Variants in USP8 observed in about 807,000 individuals in gnomAD.
USP8 encodes ubiquitin carboxyl-terminal hydrolase 8.
In USP8, 27 loss-of-function variants were observed where a neutral mutation model predicts 130.0. The observed-to-expected ratio is 0.21, with a 90% CI of 0.15 to 0.29. The LOEUF is 0.29. USP8 is among the 10% of genes least tolerant of loss of function. The probability of loss-of-function intolerance (pLI) is 1.00; values close to 1 mark genes in which losing one functional copy is unlikely to be tolerated. For missense variants in USP8, 1,029 were observed against 1,312.2 expected (o/e 0.78, Z 3.33); for synonymous variants, 392 against 444.1 (o/e 0.88, Z 1.48).
At chr15:50,498,867 CT>C in intron 19 of USP8, 35 bp from the exon 20 acceptor site, 1 of 1,564,162 alleles carries the variant, frequency 6.4e-7, no homozygotes, top group Admixed American at 2.0e-5. Context: ...ACAATTTTAA[CT>C]GAATTGATTT....
rs1165241342 is a variant in USP8 at position 50,502,790 on chromosome 15, G to A, written c.*3702G>A. 1 of 152,312 alleles carries A rather than the reference G, an allele frequency of 6.6e-6. No individual in the cohort carries two copies. Among genetic ancestry groups the A allele is most frequent in the African/African-American group, 2.4e-5 (1 of 41,452 alleles). The allele number at this position is 152,312 out of a possible 1,614,324, so 9.4% of individuals were successfully genotyped here. ...TGGGACTACAGGCATACACCACCATGTCCAGAATGAAAATGGATCTGACTA... is the reference window on the plus strand; with the variant it reads ...TGGGACTACAGGCATACACCACCATATCCAGAATGAAAATGGATCTGACTA... On this transcript the variant is annotated 3_prime_UTR_variant, in exon 20 of 20. Coordinates refer to ENST00000307179, the MANE Select transcript of USP8 (RefSeq NM_005154.5).
At chr15:50,482,167 G>C in intron 11 of USP8, 102 bp downstream of exon 11, 1 of 1,105,406 alleles carries the variant, frequency 9.0e-7, no homozygotes, top group Non-Finnish European at 1.2e-6. Flanking sequence ...ATTTCAAATA[G>C]TCTTTTCAGG....
chr15:50,485,120 TTTATG>T (rs1439555202), intron 12 of USP8, among the ~76,000 whole-genome samples: 3 of 152,208 alleles, frequency 2.0e-5, no homozygotes, highest in Admixed American at 1.3e-4. Context: ...GATGGTAAAT[TTTATG>T]TTATGTGTAT....
rs1042653374 is a variant in USP8, at chr15:50,504,530, A to G, written c.*5442A>G. 8 of 152,254 alleles carry G rather than the reference A, an allele frequency of 5.3e-5. No individual in the cohort carries two copies. Among genetic ancestry groups the G allele is most frequent in the African/African-American group, 1.9e-4 (8 of 41,438 alleles). 9.4% of individuals were successfully genotyped at this position (152,254 alleles called of 1,614,324 possible). A position where few individuals can be genotyped will look rare whatever the true frequency, so the allele number is the denominator to read the frequency against. ...AGAATGAGACCTTGTCTCAAAAAACAAAAACAAAAAACACCAGAAAAGACA... is the reference window on the plus strand; with the variant it reads ...AGAATGAGACCTTGTCTCAAAAAACGAAAACAAAAAACACCAGAAAAGACA... On this transcript the variant is annotated 3_prime_UTR_variant, in exon 20 of 20. Transcript: ENST00000307179.
chr15:50,454,459 T>TC (rs1050927734), intron 4 of USP8, among the ~76,000 whole-genome samples: 13 of 151,074 alleles, frequency 8.6e-5, no homozygotes, highest in African/African-American at 2.9e-4. Context: ...TCTTTTCTTT[T>TC]TTTTTTTTTT....
At chr15:50,448,213 C>A (rs1417018369) in intron 3 of USP8, among the ~76,000 whole-genome samples, 1 of 152,146 alleles carries the variant, frequency 6.6e-6, no homozygotes, top group African/African-American at 2.4e-5. Context: ...ACCTACAACC[C>A]TTCTTTTTAC....
At chr15:50,428,419 C>T (rs2049817857) in intron 1 of USP8, among the ~76,000 whole-genome samples, 1 of 152,146 alleles carries the variant, frequency 6.6e-6, no homozygotes, top group African/African-American at 2.4e-5. Context: ...GCCGGGCCTA[C>T]AATTTAGTTT....
At chr15:50,486,385 G>A (rs2051961971) in intron 12 of USP8, among the ~76,000 whole-genome samples, 1 of 152,102 alleles carries the variant, frequency 6.6e-6, no homozygotes. Flanking sequence ...TAGTTGAGAG[G>A]CTGAGGTGGG....
At chr15:50,451,481 T>C (rs1188665580) in intron 4 of USP8, among the ~76,000 whole-genome samples, 3 of 152,224 alleles carry the variant, frequency 2.0e-5, no homozygotes, top group African/African-American at 4.8e-5. Context: ...AGATATTTAC[T>C]TCTTATGGCC....
In USP8 at chr15:50,433,521, G is replaced by A. The variant is rs372228611; in HGVS notation, c.-65-5488G>A. Among the ~76,000 whole-genome samples the A allele has an allele frequency of 1.6e-4, 25 of 152,246 alleles. No individual in the cohort carries two copies. In the East Asian group the frequency reaches 4.8e-3, roughly 29 times the overall value. On this transcript the variant is annotated intron_variant, in intron 1 of 19. Transcript: ENST00000307179. ...CTCATTTTTCACTTTTTACCTTTTA[G>A]TCTTCACTTTGTGGTTCCAGTCATC...
At chr15:50,477,869 A>G (rs1279687467) in intron 10 of USP8, among the ~76,000 whole-genome samples, 1 of 152,148 alleles carries the variant, frequency 6.6e-6, no homozygotes, top group Non-Finnish European at 1.5e-5. Flanking sequence ...AATACATAGT[A>G]TAGAAACGAA....
intron 4 of USP8, among the ~76,000 whole-genome samples, chr15:50,457,227 A>G (rs1189638093): frequency 2.6e-5 from 4 of 152,086 alleles, no homozygotes; most frequent in Non-Finnish European, 4.4e-5. Context: ...TTATCTGTTT[A>G]TTTAGAAATT....
intron 1 of USP8, among the ~76,000 whole-genome samples, chr15:50,433,649 A>G (rs1220562790): frequency 6.6e-6 from 1 of 152,118 alleles, no homozygotes; most frequent in Non-Finnish European, 1.5e-5. Context: ...TCTGTTGCCC[A>G]GGCTGCAGTG....
intron 3 of USP8, among the ~76,000 whole-genome samples, 183 bp from the exon 4 acceptor site, chr15:50,449,217 A>G (rs1442063866): frequency 6.6e-6 from 1 of 152,228 alleles, no homozygotes; most frequent in Admixed American, 6.5e-5. Context: ...GTATGAAGAC[A>G]TACTTTTGAG....
In USP8 at chr15:50,498,602, C is replaced by G. The variant is rs1421852025; in HGVS notation, c.3045C>G (p.Ser1015=). Residue 1015 remains serine, a synonymous_variant, in exon 19 of 20, where the codon TCC becomes TCG. Transcript: ENST00000307179. Reference sequence around the variant, plus strand: ...GTAATGTTTTGTTCTGCAGTTTTTCCTACGATGGCAGGTGGAAACAAAAAT... The same window carrying G: ...GTAATGTTTTGTTCTGCAGTTTTTCGTACGATGGCAGGTGGAAACAAAAAT... ...PVLLVHLKRF[S]YDGRWKQKLQ... is the part of the protein sequence containing the mutation. 2 of 1,605,888 alleles carry G rather than the reference C, an allele frequency of 1.2e-6. No individual in the cohort carries two copies. The highest frequency in any genetic ancestry group is 1.7e-6 in the Non-Finnish European group (2 of 1,177,162).
intron 7 of USP8, among the ~76,000 whole-genome samples, chr15:50,468,034 A>G (rs1263926061): frequency 1.3e-5 from 2 of 150,742 alleles, no homozygotes; most frequent in Non-Finnish European, 3.0e-5. Context: ...TCCCGGGTTC[A>G]AGAGATTTCT....
chr15:50,511,573 A>G lies in USP8; in HGVS notation c.*12485A>G, dbSNP rs1296504511. ...AATGTGGTATATCCTATACAATGGA[A>G]TATTATTTGGCAATAAAAAGGAATG... On this transcript the variant is annotated 3_prime_UTR_variant, in exon 20 of 20. Transcript: ENST00000307179. The G allele has an allele frequency of 1.3e-5, 2 of 152,280 alleles. No homozygotes were observed. Among genetic ancestry groups the G allele is most frequent in the African/African-American group, 4.8e-5 (2 of 41,478 alleles). 9.4% of individuals were successfully genotyped at this position (152,280 alleles called of 1,614,324 possible).
intron 7 of USP8, among the ~76,000 whole-genome samples, chr15:50,466,443 A>G (rs1226549176): frequency 1.3e-5 from 2 of 151,976 alleles, no homozygotes; most frequent in African/African-American, 4.8e-5. Context: ...TACTAAAAAT[A>G]CTTCAGCCAG....
chr15:50,441,231 A>G, intron 2 of USP8, 118 bp from the exon 3 acceptor site: 1 of 988,862 alleles, frequency 1.0e-6, no homozygotes, highest in Non-Finnish European at 1.4e-6. Flanking sequence ...AACCAGTACC[A>G]ATCTGTGGCC....
Sources: allele counts gnomAD v4.1 joint callset (sites outside exome capture counted in the v4.1 genomes callset), GRCh38; gene constraint gnomAD v4.1.1; transcripts MANE v1.5; gene names NCBI Gene and HGNC (gene_info 2026-07-23, HGNC 2026-07-21).